CDH1: variants seen among roughly 807,000 people sequenced by gnomAD.
The protein encoded by CDH1 is cadherin 1.
CDH1 carries 35 observed loss-of-function variants against 84.5 expected under a neutral mutation model. That is an observed-to-expected ratio of 0.41 (90% CI 0.32 to 0.55). The LOEUF is 0.55. Among genes scored for constraint, CDH1 ranks in the 20% least tolerant of loss-of-function variants. The pLI is 0.19. For missense variants in CDH1, 994 were observed against 1,126.6 expected, an observed-to-expected ratio of 0.88 and a Z score of 1.68; for synonymous variants, 417 against 439.0, an observed-to-expected ratio of 0.95 and a Z score of 0.63.
At position 68,745,043 on chromosome 16, in the gene CDH1, G is replaced by A. The variant is rs74670787; in HGVS notation, c.163+6632G>A. On this transcript the variant is annotated intron_variant, in intron 2 of 15. Coordinates refer to ENST00000261769, the MANE Select transcript of CDH1 (RefSeq NM_004360.5). ...CTGTGCAGGGTGCTCAGGGTGGACC[G>A]GAACGGGTTTGTTGTGGCTTAGGAA... 1.7e-3 allele frequency among the ~76,000 whole-genome samples: 260 copies of A among 152,194 alleles called. 6 individuals are homozygous for A. In the East Asian group the frequency reaches 0.046, roughly 27 times the overall value.
chr16:68,808,674 T>C lies in CDH1; in HGVS notation c.532-19T>C, dbSNP rs1205514647. On this transcript the variant is annotated intron_variant, in intron 4 of 15. Coordinates refer to ENST00000261769, the MANE Select transcript of CDH1 (RefSeq NM_004360.5). ...GGGATCCTTCTTTACTAATTCTTTT[T>C]CTTTCATTTTGTCTTCAGATCAAAT... 6.2e-7 allele frequency: 1 copy of C among 1,614,070 alleles called. No homozygotes were observed. The highest frequency in any genetic ancestry group is 8.5e-7 in the Non-Finnish European group (1 of 1,179,968).
intron 2 of CDH1, among the ~76,000 whole-genome samples, chr16:68,782,341 C>A (rs940961106): frequency 6.6e-6 from 1 of 152,184 alleles, no homozygotes; most frequent in South Asian, 2.1e-4. Flanking sequence ...ACCTCAGAGG[C>A]AGTTGCAGAA....
intron 2 of CDH1, among the ~76,000 whole-genome samples, chr16:68,761,721 G>T (rs1959227998): frequency 6.6e-6 from 1 of 152,170 alleles, no homozygotes; most frequent in Admixed American, 6.5e-5. Context: ...CCCAAGAGAG[G>T]TGAAGGATCA....
At chr16:68,772,100 G>C (rs891675568) in intron 2 of CDH1, among the ~76,000 whole-genome samples, 1 of 152,198 alleles carries the variant, frequency 6.6e-6, no homozygotes, top group Non-Finnish European at 1.5e-5. Context: ...CTGACCTGGG[G>C]CTCTCAACCA....
intron 2 of CDH1, among the ~76,000 whole-genome samples, chr16:68,752,989 A>G (rs1295671906): frequency 6.6e-6 from 1 of 152,128 alleles, no homozygotes; most frequent in East Asian, 1.9e-4. Context: ...CTGTTCTTCC[A>G]GTTTTTGGCA....
rs534612428 is a variant in CDH1 at position 68,815,015 on chromosome 16, C to A, written c.1321-500C>A. Among the ~76,000 whole-genome samples the A allele has an allele frequency of 3.3e-5, 5 of 151,734 alleles. No individual in the cohort carries two copies. In the South Asian group the frequency reaches 8.4e-4, roughly 25 times the overall value. ...CCAAGGCGGGTGGATCACCTGAGGT[C>A]AGGAGTTCGAGACCAGCCTGGCCAA... On this transcript the variant is annotated intron_variant, in intron 9 of 15. Coordinates refer to ENST00000261769, the MANE Select transcript of CDH1 (RefSeq NM_004360.5).
intron 2 of CDH1, among the ~76,000 whole-genome samples, chr16:68,761,690 A>AG (rs35018968): frequency 2.0e-5 from 3 of 152,104 alleles, no homozygotes; most frequent in Non-Finnish European, 4.4e-5. Context: ...GCCTCACTGA[A>AG]GGGGGACATT....
chr16:68,824,953 TGA>T (rs1180181624), intron 13 of CDH1, among the ~76,000 whole-genome samples: 1 of 152,122 alleles, frequency 6.6e-6, no homozygotes, highest in Non-Finnish European at 1.5e-5. Context: ...TCACAGCAAA[TGA>T]GAGCAAGTCA....
At chr16:68,801,565 T>C in intron 2 of CDH1, 105 bp from the exon 3 acceptor site, 1 of 868,396 alleles carries the variant, frequency 1.2e-6, no homozygotes, top group Non-Finnish European at 2.0e-6. Flanking sequence ...GTTTTGGTTG[T>C]GTTTGGTTTT....
At chr16:68,770,906 G>A in intron 2 of CDH1, 1 of 151,662 alleles carries the variant, frequency 6.6e-6, no homozygotes, top group East Asian at 1.9e-4. Context: ...ATCTTCTGAA[G>A]GACAGATAAG....
At chr16:68,826,022 G>A (rs1221416045) in intron 13 of CDH1, among the ~76,000 whole-genome samples, 1 of 151,898 alleles carries the variant, frequency 6.6e-6, no homozygotes, top group Non-Finnish European at 1.5e-5. Flanking sequence ...GTTTCCTTAT[G>A]TTGCCCAGGC....
chr16:68,810,158 C>G (rs752284537), intron 5 of CDH1, 39 bp from the exon 6 acceptor site: 1 of 1,612,938 alleles, frequency 6.2e-7, no homozygotes, highest in Non-Finnish European at 8.5e-7. Context: ...TGTTTTCTTC[C>G]TCATCAGAGC....
rs139616807 is a variant in CDH1 at position 68,797,437 on chromosome 16, C to T, written c.164-4233C>T. Among the ~76,000 whole-genome samples the T allele has an allele frequency of 3.2e-3, 492 of 152,238 alleles. 3 individuals are homozygous for T. The highest frequency in any genetic ancestry group is 0.011 in the African/African-American group (464 of 41,552). On this transcript the variant is annotated intron_variant, in intron 2 of 15. Transcript: ENST00000261769. ...GTCATTCACTTCTGTAATCCCAGCA[C>T]TTTGGGAGGCCAAAGCGGGAAGATG...
At chr16:68,820,352 A>T (rs920305656) in intron 11 of CDH1, among the ~76,000 whole-genome samples, 16 of 138,802 alleles carry the variant, frequency 1.2e-4, no homozygotes, top group Admixed American at 7.0e-4. Context: ...TTGCTGTTTA[A>T]TTTTTTTTTT....
At chr16:68,766,809 C>T (rs1266960639) in intron 2 of CDH1, among the ~76,000 whole-genome samples, 1 of 151,464 alleles carries the variant, frequency 6.6e-6, no homozygotes, top group African/African-American at 2.4e-5. Flanking sequence ...CTCACTACAA[C>T]TTCTGCCTCC....
At chr16:68,756,067 C>T (rs773509863) in intron 2 of CDH1, among the ~76,000 whole-genome samples, 2 of 151,874 alleles carry the variant, frequency 1.3e-5, no homozygotes, top group Non-Finnish European at 2.9e-5. Flanking sequence ...TGTGCCTAGC[C>T]GAGTTTTCTA....
At chr16:68,828,416 T>A (rs772752853) in intron 14 of CDH1, 112 bp downstream of exon 14, 1 of 1,061,234 alleles carries the variant, frequency 9.4e-7, no homozygotes, top group African/African-American at 1.6e-5. Flanking sequence ...GATATTATCT[T>A]TTTAAGGCCT....
intron 2 of CDH1, among the ~76,000 whole-genome samples, chr16:68,792,516 G>A (rs147634507): frequency 5.5e-4 from 84 of 152,278 alleles, no homozygotes; most frequent in Middle Eastern, 3.4e-3. Context: ...GAGCCAGTAC[G>A]CCCTGCGACA....
rs786201492 is a variant in CDH1, at chr16:68,738,362, G to A, written c.114G>A (p.Thr38=). The change falls in exon 2 of 16, where the codon ACG becomes ACA. Residue 38 remains threonine, a synonymous_variant. Coordinates refer to ENST00000261769, the MANE Select transcript of CDH1 (RefSeq NM_004360.5). ...CHPGFDAESY[T]FTVPRRHLER... The stretch of plus-strand genomic sequence containing the variant: ...CTGGCTTTGACGCCGAGAGCTACAC[G>A]TTCACGGTGCCCCGGCGCCACCTGG... 1 of 1,551,154 alleles carries A rather than the reference G, an allele frequency of 6.4e-7. No individual in the cohort carries two copies. Among genetic ancestry groups the A allele is most frequent in the South Asian group, 1.2e-5 (1 of 84,016 alleles).
Sources: allele counts gnomAD v4.1 joint callset (sites outside exome capture counted in the v4.1 genomes callset), GRCh38; gene constraint gnomAD v4.1.1; transcripts MANE v1.5; gene names NCBI Gene and HGNC (gene_info 2026-07-23, HGNC 2026-07-21).